NARS2: variants seen among roughly 807,000 people sequenced by gnomAD.
The protein encoded by NARS2 is asparaginyl-tRNA synthetase.
NARS2 carries 60 observed loss-of-function variants against 62.9 expected under a neutral mutation model. The ratio of observed to expected loss-of-function variants is 0.95; its 90% CI spans 0.77 to 1.18. The LOEUF (loss-of-function observed/expected upper bound fraction) is 1.18, where lower values mean the gene tolerates loss of function less well. Among genes scored for constraint, NARS2 ranks in the 50% most tolerant of loss-of-function variants. The pLI, the probability that NARS2 is intolerant of heterozygous loss-of-function variation, is 0.00. For missense variants in NARS2, 619 were observed against 576.4 expected (o/e 1.07, Z -0.76); for synonymous variants, 196 against 200.0 (o/e 0.98, Z 0.17).
At chr11:78,471,569 A>T (rs1858876429) in intron 9 of NARS2, among the ~76,000 whole-genome samples, 1 of 151,488 alleles carries the variant, frequency 6.6e-6, no homozygotes. Context: ...GTTTTAGGGT[A>T]CATGTGCACA....
At chr11:78,525,410 A>G (rs1203672532) in intron 6 of NARS2, among the ~76,000 whole-genome samples, 1 of 152,132 alleles carries the variant, frequency 6.6e-6, no homozygotes, top group African/African-American at 2.4e-5. Flanking sequence ...GAGAATAAGG[A>G]ATTAGTCAAA....
chr11:78,574,396 C>CGGA lies in NARS2; in HGVS notation c.92_93insTCC (p.Arg31_Asp32insPro). On this transcript the variant is annotated inframe_insertion, in exon 1 of 14. Transcript: ENST00000281038. ...TCGCGTTCTGAGCCCCGAGAGCGTC[C>CGGA]CGCACGCTCAGTTTGGCTGAAGGTT... 1.2e-6 allele frequency: 2 copies of CGGA among 1,614,204 alleles called. No individual in the cohort carries two copies. The highest frequency in any genetic ancestry group is 1.7e-6 in the Non-Finnish European group (2 of 1,180,036).
At chr11:78,462,231 T>C (rs1858427692) in intron 11 of NARS2, among the ~76,000 whole-genome samples, 1 of 152,094 alleles carries the variant, frequency 6.6e-6, no homozygotes, top group Non-Finnish European at 1.5e-5. Context: ...GCTGGAGTGA[T>C]GAAAAAAAGC....
intron 11 of NARS2, among the ~76,000 whole-genome samples, chr11:78,463,008 A>G (rs1211226414): frequency 6.6e-6 from 1 of 152,190 alleles, no homozygotes; most frequent in African/African-American, 2.4e-5. Flanking sequence ...TAACTATTCA[A>G]TAAATATTTA....
At chr11:78,468,792 CTTTTT>C (rs538005557) in intron 10 of NARS2, among the ~76,000 whole-genome samples, 2 of 130,630 alleles carry the variant, frequency 1.5e-5, no homozygotes. Flanking sequence ...TAAAAATTCA[CTTTTT>C]TTTTTTTTTT....
intron 11 of NARS2, among the ~76,000 whole-genome samples, chr11:78,464,668 G>A (rs1448042716): frequency 6.6e-6 from 1 of 152,058 alleles, no homozygotes; most frequent in Non-Finnish European, 1.5e-5. Flanking sequence ...ATAGAGTGCT[G>A]ATTGGTGTAT....
At chr11:78,437,274 A>G (rs1274456334) in intron 13 of NARS2, among the ~76,000 whole-genome samples, 2 of 152,192 alleles carry the variant, frequency 1.3e-5, no homozygotes, top group African/African-American at 4.8e-5. Flanking sequence ...AAGATATCCT[A>G]TAGATTAGAT....
chr11:78,513,541 G>T (rs1469938061), intron 6 of NARS2, among the ~76,000 whole-genome samples: 6 of 152,092 alleles, frequency 3.9e-5, no homozygotes, highest in Non-Finnish European at 8.8e-5. Context: ...ACTTAGGGAA[G>T]CCGAGGCGGG....
intron 1 of NARS2, chr11:78,573,400 G>A (rs1232265007): frequency 6.6e-6 from 1 of 152,270 alleles, no homozygotes; most frequent in Non-Finnish European, 1.5e-5. Context: ...ATAGAGTGTG[G>A]TGGTGCATGC....
At chr11:78,510,652 C>T (rs4945285) in intron 6 of NARS2, among the ~76,000 whole-genome samples, 106,713 of 151,322 alleles carry the variant, frequency 0.71, 38,704 homozygotes, top group Non-Finnish European at 0.81. Context: ...TTCATATGTG[C>T]ATGTGTTATT....
intron 6 of NARS2, among the ~76,000 whole-genome samples, chr11:78,506,182 T>TA (rs1217536851): frequency 1.3e-5 from 2 of 152,190 alleles, no homozygotes; most frequent in East Asian, 3.8e-4. Flanking sequence ...TGACTATAAT[T>TA]AAAAATACGA....
At chr11:78,514,093 ACCTAT>A (rs1338813195) in intron 6 of NARS2, among the ~76,000 whole-genome samples, 10 of 152,038 alleles carry the variant, frequency 6.6e-5, no homozygotes, top group Non-Finnish European at 1.0e-4. Flanking sequence ...AGCCAATTCA[ACCTAT>A]TTTCCTACCA....
chr11:78,545,524 C>CTT (rs888860047), intron 5 of NARS2, among the ~76,000 whole-genome samples: 3,591 of 134,832 alleles, frequency 0.027, 177 homozygotes, highest in African/African-American at 0.088. Flanking sequence ...ATGCTTTTTC[C>CTT]TTTTTTTTTT....
intron 6 of NARS2, among the ~76,000 whole-genome samples, chr11:78,507,158 C>A (rs1205432449): frequency 7.9e-6 from 1 of 125,804 alleles, no homozygotes; most frequent in Non-Finnish European, 1.6e-5. Context: ...CGCCCCTCCC[C>A]ACCCCCCACC....
At chr11:78,531,959 T>G (rs1293738843) in intron 5 of NARS2, among the ~76,000 whole-genome samples, 4 of 152,198 alleles carry the variant, frequency 2.6e-5, no homozygotes, top group Non-Finnish European at 5.9e-5. Flanking sequence ...GAGGTGGCAG[T>G]TGTAAAATAC....
At position 78,459,234 on chromosome 11, in the gene NARS2, G is replaced by GT. The variant is rs559840194; in HGVS notation, c.1164+6641dup. 2.8e-3 allele frequency among the ~76,000 whole-genome samples: 421 copies of GT among 148,968 alleles called. 3 individuals carry two copies. The highest frequency in any genetic ancestry group is 2.2e-3 in the Non-Finnish European group (151 of 67,364). On this transcript the variant is annotated intron_variant, in intron 11 of 13. Coordinates refer to ENST00000281038, the MANE Select transcript of NARS2 (RefSeq NM_024678.6). ...CGGTCAATCTGATGATCTGATGGTG[G>GT]TTTTTTTTGTCGTTGTTTTTTTTTT... is the stretch of plus-strand genomic sequence containing the variant.
intron 5 of NARS2, among the ~76,000 whole-genome samples, chr11:78,532,824 AAAG>A (rs1183067367): frequency 2.6e-5 from 4 of 152,218 alleles, no homozygotes; most frequent in Non-Finnish European, 5.9e-5. Flanking sequence ...CTTTCCTGAA[AAAG>A]AATAAGCTGT....
intron 6 of NARS2, among the ~76,000 whole-genome samples, chr11:78,501,371 A>C (rs1860276902): frequency 6.6e-6 from 1 of 152,226 alleles, no homozygotes; most frequent in Admixed American, 6.5e-5. Flanking sequence ...TGAAAAAGGC[A>C]GTTACTGTCT....
At chr11:78,445,654 A>T (rs1413488520) in intron 11 of NARS2, among the ~76,000 whole-genome samples, 3 of 152,162 alleles carry the variant, frequency 2.0e-5, no homozygotes, top group South Asian at 2.1e-4. Flanking sequence ...AATTTTTTTT[A>T]AATGTTTATT....
Sources: gnomAD v4.1 joint callset for allele counts (sites outside exome capture counted in the v4.1 genomes callset) on GRCh38, gnomAD v4.1.1 for gene constraint, MANE v1.5 for transcripts, NCBI Gene and HGNC (gene_info 2026-07-23, HGNC 2026-07-21) for gene names.